NMRK1: variants seen among roughly 807,000 people sequenced by gnomAD.
NMRK1 encodes the protein NRK 1.
Under a neutral mutation model 29.9 loss-of-function variants are expected in NMRK1, and 28 were observed. The ratio of observed to expected loss-of-function variants is 0.94; its 90% CI spans 0.69 to 1.28. NMRK1 has a LOEUF of 1.28. Ranked by LOEUF, NMRK1 falls within the 50% of genes most tolerant of loss-of-function variation. The pLI is 0.00. For missense variants in NMRK1, 218 were observed against 233.1 expected (o/e 0.94, Z 0.42); for synonymous variants, 58 against 73.0 (o/e 0.79, Z 1.05).
At chr9:75,074,387 G>C (rs560011076) in intron 4 of NMRK1, among the ~76,000 whole-genome samples, 7 of 149,710 alleles carry the variant, frequency 4.7e-5, no homozygotes, top group Admixed American at 4.7e-4. Flanking sequence ...ACCATCTTTT[G>C]ATTTATTTAT....
At chr9:75,069,164 G>A (rs1172625310) in intron 6 of NMRK1, 62 bp from the exon 7 acceptor site, 48 of 1,151,674 alleles carry the variant, frequency 4.2e-5, no homozygotes, top group Non-Finnish European at 2.0e-5. Context: ...AGTAAAATAT[G>A]AATGGTCAGG....
chr9:75,080,428 G>T (rs1431563449), intron 2 of NMRK1, among the ~76,000 whole-genome samples: 2 of 152,140 alleles, frequency 1.3e-5, no homozygotes, highest in Non-Finnish European at 2.9e-5. Flanking sequence ...GAGGTGGGTG[G>T]ATCACCTGAG....
intron 4 of NMRK1, among the ~76,000 whole-genome samples, chr9:75,074,066 T>G (rs1823852046): frequency 6.6e-6 from 1 of 152,154 alleles, no homozygotes; most frequent in Admixed American, 6.5e-5. Flanking sequence ...TTTTCTTTTT[T>G]TTCTTTTTTG....
chr9:75,077,553 C>T lies in NMRK1; in HGVS notation c.57G>A (p.Leu19=), dbSNP rs768276339. ...SGVTNSGKTT[L]AKNLQKHLPN... is the part of the protein sequence containing the mutation. ...GGAGGTGTTTCTGCAAATTCTTAGCCAGTGTTGTTTTGCCACTGTTTGTCA... is the reference window on the plus strand; with the variant it reads ...GGAGGTGTTTCTGCAAATTCTTAGCTAGTGTTGTTTTGCCACTGTTTGTCA... The change falls in exon 3 of 9, where the codon CTG becomes CTA. Residue 19 remains leucine, a synonymous_variant. Coordinates refer to ENST00000361092, the MANE Select transcript of NMRK1 (RefSeq NM_017881.3). 1.9e-6 allele frequency: 3 copies of T among 1,613,510 alleles called. No homozygotes were observed. The highest frequency in any genetic ancestry group is 2.5e-6 in the Non-Finnish European group (3 of 1,179,658).
chr9:75,083,833 A>G (rs993303128), intron 1 of NMRK1, among the ~76,000 whole-genome samples: 4 of 152,212 alleles, frequency 2.6e-5, no homozygotes, highest in African/African-American at 9.7e-5. Context: ...GACTTATATA[A>G]CAAGAGAAAA....
chr9:75,087,665 G>A (rs1824748422), intron 1 of NMRK1: 1 of 151,740 alleles, frequency 6.6e-6, no homozygotes, highest in Non-Finnish European at 1.5e-5. Flanking sequence ...ACAGGCAGCA[G>A]GCGGGCAGTA....
At chr9:75,063,915 T>C (rs543749988) in intron 8 of NMRK1, among the ~76,000 whole-genome samples, 47 of 152,182 alleles carry the variant, frequency 3.1e-4, no homozygotes, top group Non-Finnish European at 5.6e-4. Context: ...GCATAAATGT[T>C]GGAGGTAAGA....
In NMRK1 at chr9:75,069,139, A is replaced by G; in HGVS notation, c.390-37T>C. ...CGTAGGAAACTTTATGTTGACAGAA[A>G]CACACAATTGATAAAGTAAAATATG... On this transcript the variant is annotated intron_variant, in intron 6 of 8. Transcript: ENST00000361092. The G allele has an allele frequency of 2.2e-6, 3 of 1,379,978 alleles. No individual in the cohort carries two copies. The South Asian group carries it at 3.5e-5, about 16-fold the overall frequency. The allele number at this position is 1,379,978 out of a possible 1,614,324, so 85.5% of individuals were successfully genotyped here. A position where few individuals can be genotyped will look rare whatever the true frequency, so the allele number is the denominator to read the frequency against.
At chr9:75,078,241 G>A in intron 2 of NMRK1, 1 of 1,534,230 alleles carries the variant, frequency 6.5e-7, no homozygotes, top group Non-Finnish European at 8.8e-7. Context: ...TAGTGCAAGT[G>A]TATAAAACTG....
chr9:75,068,851 C>A, intron 7 of NMRK1, 145 bp downstream of exon 7: 1 of 584,692 alleles, frequency 1.7e-6, no homozygotes. Context: ...AAACAGAAAC[C>A]AGGAGAACCA....
chr9:75,077,570 T>TG lies in NMRK1; in HGVS notation c.39dup (p.Ser14GlnfsTer8). 1 of 1,612,554 alleles carries TG rather than the reference T, an allele frequency of 6.2e-7. No homozygotes were observed. Among genetic ancestry groups the TG allele is most frequent in the Non-Finnish European group, 8.5e-7 (1 of 1,178,632 alleles). On this transcript the variant is annotated frameshift_variant, in exon 3 of 9. Transcript: ENST00000361092. LOFTEE classifies it high-confidence loss of function. ...TTCTTAGCCAGTGTTGTTTTGCCAC[T>TG]GTTTGTCACACTGAAGCAAAGAAAA...
At chr9:75,069,253 T>C in intron 6 of NMRK1, 151 bp from the exon 7 acceptor site, 1 of 570,456 alleles carries the variant, frequency 1.8e-6, no homozygotes, top group Non-Finnish European at 3.2e-6. Flanking sequence ...TCAATGGCAG[T>C]TAGAACGACA....
chr9:75,083,046 C>G, intron 2 of NMRK1, 41 bp downstream of exon 2: 1 of 1,431,604 alleles, frequency 7.0e-7, no homozygotes, highest in Admixed American at 1.7e-5. Flanking sequence ...ATTTGGACAT[C>G]CTCAGTATCT....
chr9:75,077,148 A>C lies in NMRK1; in HGVS notation c.169+11T>G, dbSNP rs1409061182. The C allele has an allele frequency of 6.7e-7, 1 of 1,501,956 alleles. No individual in the cohort carries two copies. Among genetic ancestry groups the C allele is most frequent in the African/African-American group, 1.4e-5 (1 of 72,200 alleles). The allele number at this position is 1,501,956 out of a possible 1,614,324, so 93.0% of individuals were successfully genotyped here. A position where few individuals can be genotyped will look rare whatever the true frequency, so the allele number is the denominator to read the frequency against. On this transcript the variant is annotated intron_variant, in intron 4 of 8. Coordinates refer to ENST00000361092, the MANE Select transcript of NMRK1 (RefSeq NM_017881.3). ...ATAAGCATATAATATTTGACAAGTA[A>C]ATCTACTTACCATCGTACTGCAAAA...
At chr9:75,082,671 G>A in intron 2 of NMRK1, 1 of 168,342 alleles carries the variant, frequency 5.9e-6, no homozygotes, top group East Asian at 1.7e-4. Flanking sequence ...AAACATGGGG[G>A]AAAGGAATGG....
chr9:75,074,454 T>C (rs1823878586), intron 4 of NMRK1, among the ~76,000 whole-genome samples: 1 of 152,240 alleles, frequency 6.6e-6, no homozygotes, highest in African/African-American at 2.4e-5. Flanking sequence ...GTGGCATATC[T>C]CGGCTCACTA....
intron 8 of NMRK1, 39 bp from the exon 9 acceptor site, chr9:75,061,606 C>A (rs1011752343): frequency 6.6e-7 from 1 of 1,512,706 alleles, no homozygotes; most frequent in East Asian, 2.3e-5. Flanking sequence ...TGGAGAATTC[C>A]AATTCTCATT....
chr9:75,078,261 A>T, intron 2 of NMRK1: 1 of 1,547,090 alleles, frequency 6.5e-7, no homozygotes, highest in East Asian at 2.4e-5. Context: ...GCATATGGTC[A>T]CTGTGATTTT....
intron 4 of NMRK1, among the ~76,000 whole-genome samples, chr9:75,074,882 T>A (rs1823903481): frequency 6.6e-6 from 1 of 152,200 alleles, no homozygotes; most frequent in Non-Finnish European, 1.5e-5. Context: ...AGTTTTTCCT[T>A]AAGATAGATT....
Sources: gnomAD v4.1 joint callset for allele counts (sites outside exome capture counted in the v4.1 genomes callset) on GRCh38, gnomAD v4.1.1 for gene constraint, MANE v1.5 for transcripts, NCBI Gene and HGNC (gene_info 2026-07-23, HGNC 2026-07-21) for gene names.